CDH18: variants seen among roughly 807,000 people sequenced by gnomAD.
CDH18 encodes cadherin 18.
A neutral mutation model predicts 67.9 loss-of-function variants in CDH18; 31 were observed. That is an observed-to-expected ratio of 0.46 (90% confidence interval 0.34 to 0.62). The LOEUF is 0.62. Ranked by LOEUF, CDH18 falls within the 20% of genes least tolerant of loss-of-function variation. The probability of loss-of-function intolerance (pLI) is 0.01; values close to 1 mark genes in which losing one functional copy is unlikely to be tolerated. For missense variants in CDH18, 890 were observed against 975.5 expected, an observed-to-expected ratio of 0.91 and a Z score of 1.17; for synonymous variants, 362 against 347.2, an observed-to-expected ratio of 1.04 and a Z score of -0.48.
At chr5:20,549,057 C>T (rs892855057) in intron 1 of CDH18, among the ~76,000 whole-genome samples, 1 of 152,118 alleles carries the variant, frequency 6.6e-6, no homozygotes, top group East Asian at 1.9e-4. Context: ...AAAAATGTCT[C>T]ATGCTGCCTG....
At chr5:19,826,259 C>T (rs1780394293) in intron 3 of CDH18, among the ~76,000 whole-genome samples, 1 of 152,054 alleles carries the variant, frequency 6.6e-6, no homozygotes, top group African/African-American at 2.4e-5. Context: ...GACTCAGTGG[C>T]TCGCTGAAAG....
At chr5:20,510,471 T>G (rs1754965268) in intron 1 of CDH18, among the ~76,000 whole-genome samples, 1 of 152,158 alleles carries the variant, frequency 6.6e-6, no homozygotes, top group African/African-American at 2.4e-5. Flanking sequence ...CTGAATAGTA[T>G]TCCACTGTGT....
intron 1 of CDH18, among the ~76,000 whole-genome samples, chr5:20,430,650 G>A (rs1004464302): frequency 2.6e-5 from 4 of 152,122 alleles, no homozygotes; most frequent in African/African-American, 7.2e-5. Context: ...AATAATATTT[G>A]TTTTTATCAC....
intron 1 of CDH18, among the ~76,000 whole-genome samples, chr5:20,559,924 T>C (rs1428939550): frequency 6.7e-6 from 1 of 149,688 alleles, no homozygotes; most frequent in Admixed American, 6.8e-5. Flanking sequence ...TCTTACTAGC[T>C]AAAGTGCAAA....
At chr5:20,268,232 A>G (rs1279719410) in intron 1 of CDH18, among the ~76,000 whole-genome samples, 1 of 152,108 alleles carries the variant, frequency 6.6e-6, no homozygotes, top group African/African-American at 2.4e-5. Context: ...TGTCTTTGCT[A>G]TTGTGAATAG....
chr5:19,964,765 A>G (rs1414255914), intron 2 of CDH18, among the ~76,000 whole-genome samples: 1 of 152,176 alleles, frequency 6.6e-6, no homozygotes, highest in African/African-American at 2.4e-5. Flanking sequence ...TAATTCCGTT[A>G]TAGAAATTAA....
intron 5 of CDH18, among the ~76,000 whole-genome samples, chr5:19,626,711 A>T (rs765390759): frequency 6.6e-6 from 1 of 152,072 alleles, no homozygotes; most frequent in Non-Finnish European, 1.5e-5. Flanking sequence ...AAAAAAAGAT[A>T]ATTAAATCAT....
At chr5:20,130,690 T>C (rs947793748) in intron 2 of CDH18, among the ~76,000 whole-genome samples, 17 of 151,976 alleles carry the variant, frequency 1.1e-4, no homozygotes, top group Non-Finnish European at 2.9e-5. Flanking sequence ...TCGTGAATAA[T>C]CTAATGTTAA....
chr5:20,095,325 A>C lies in CDH18; in HGVS notation c.-517-103311T>G, dbSNP rs573052027. 2.9e-3 allele frequency among the ~76,000 whole-genome samples: 401 copies of C among 137,302 alleles called. 7 individuals are homozygous for C. The highest frequency in any genetic ancestry group is 0.011 in the African/African-American group (385 of 34,708). The allele number at this position is 137,302 out of a possible 152,430, so 90.1% of individuals were successfully genotyped here. A position where few individuals can be genotyped will look rare whatever the true frequency, so the allele number is the denominator to read the frequency against. The stretch of plus-strand genomic sequence containing the variant: ...AAAGAAAGAAAGAAAGAAAGAAAGA[A>C]AGAAAGAAAGAAAGAAAGAAAGAAA... On this transcript the variant is annotated intron_variant, in intron 2 of 14. Coordinates refer to the CDH18 transcript ENST00000507958.
chr5:20,460,359 T>TC (rs1751164906), intron 1 of CDH18, among the ~76,000 whole-genome samples: 2 of 151,582 alleles, frequency 1.3e-5, no homozygotes, highest in East Asian at 3.9e-4. Flanking sequence ...GCCACTGCAC[T>TC]CCCGCCTGGT....
chr5:19,973,399 T>A (rs768011567), intron 2 of CDH18, among the ~76,000 whole-genome samples: 2 of 152,140 alleles, frequency 1.3e-5, no homozygotes, highest in Non-Finnish European at 1.5e-5. Context: ...TGTCCTATTA[T>A]CTATGTACGA....
chr5:20,230,338 T>A (rs955514273), intron 2 of CDH18, among the ~76,000 whole-genome samples: 1 of 152,172 alleles, frequency 6.6e-6, no homozygotes, highest in Non-Finnish European at 1.5e-5. Flanking sequence ...TCTGGGCCTA[T>A]GAAATACTGG....
At chr5:20,519,430 T>C (rs1005409296) in intron 1 of CDH18, among the ~76,000 whole-genome samples, 3 of 151,768 alleles carry the variant, frequency 2.0e-5, no homozygotes, top group South Asian at 4.2e-4. Context: ...CGGGAACACA[T>C]GGACACAGGA....
At chr5:19,856,070 T>G (rs1387807396) in intron 2 of CDH18, among the ~76,000 whole-genome samples, 1 of 152,208 alleles carries the variant, frequency 6.6e-6, no homozygotes, top group Non-Finnish European at 1.5e-5. Context: ...ATAAACACGT[T>G]AAGTGAAATC....
At chr5:20,401,333 A>G (rs1454634411) in intron 1 of CDH18, among the ~76,000 whole-genome samples, 2 of 152,234 alleles carry the variant, frequency 1.3e-5, no homozygotes, top group East Asian at 3.8e-4. Flanking sequence ...CTATAGATTT[A>G]TAAGATACGT....
chr5:20,434,587 G>A lies in CDH18; in HGVS notation c.-580+140875C>T, dbSNP rs544107460. Among the ~76,000 whole-genome samples the A allele has an allele frequency of 2.3e-3, 344 of 152,010 alleles. 2 individuals carry two copies. Among genetic ancestry groups the A allele is most frequent in the African/African-American group, 8.0e-3 (332 of 41,492 alleles). On this transcript the variant is annotated intron_variant, in intron 1 of 14. Transcript: ENST00000507958. ...GATTTAAAAAAAATAGCTGGTATAA[G>A]CATAAGTTAATAAATGGCATTTTGG...
intron 3 of CDH18, among the ~76,000 whole-genome samples, chr5:19,806,918 T>C (rs771005190): frequency 2.0e-5 from 3 of 152,154 alleles, no homozygotes; most frequent in Non-Finnish European, 4.4e-5. Context: ...CCCTATAAAG[T>C]GTAGTTAAAC....
intron 2 of CDH18, among the ~76,000 whole-genome samples, chr5:20,011,041 G>A (rs763308528): frequency 2.0e-5 from 3 of 152,066 alleles, no homozygotes; most frequent in South Asian, 2.1e-4. Flanking sequence ...CACAAATAGC[G>A]TTTCAATTCC....
At chr5:19,757,419 G>A (rs1436100026) in intron 3 of CDH18, among the ~76,000 whole-genome samples, 2 of 152,182 alleles carry the variant, frequency 1.3e-5, no homozygotes, top group African/African-American at 4.8e-5. Flanking sequence ...ACTCAGCAGT[G>A]GCTGTAGCCA....
Sources: gnomAD v4.1 joint callset for allele counts (sites outside exome capture counted in the v4.1 genomes callset) on GRCh38, gnomAD v4.1.1 for gene constraint, MANE v1.5 for transcripts, NCBI Gene and HGNC (gene_info 2026-07-23, HGNC 2026-07-21) for gene names.